The following SEMA6D variants were observed in gnomAD, a reference collection of about 807,000 sequenced individuals.
SEMA6D encodes semaphorin 6D.
Under a neutral mutation model 106.6 loss-of-function variants are expected in SEMA6D, and 35 were observed. The ratio of observed to expected loss-of-function variants is 0.33; its 90% CI spans 0.25 to 0.44. The LOEUF (loss-of-function observed/expected upper bound fraction) is 0.44, where lower values mean the gene tolerates loss of function less well. Ranked by LOEUF, SEMA6D falls within the 20% of genes least tolerant of loss-of-function variation. SEMA6D has a pLI of 1.00. For missense variants in SEMA6D, 1,185 were observed against 1,345.9 expected (o/e 0.88, Z 1.87); for synonymous variants, 499 against 487.7 (o/e 1.02, Z -0.31).
At chr15:47,237,680 A>G (rs1212893331) in intron 1 of SEMA6D, among the ~76,000 whole-genome samples, 1 of 152,028 alleles carries the variant, frequency 6.6e-6, no homozygotes, top group Non-Finnish European at 1.5e-5. Context: ...GGGCTGCTCT[A>G]GGGTTTGAGA....
chr15:47,641,373 T>C (rs1432904944), intron 4 of SEMA6D, among the ~76,000 whole-genome samples: 9 of 152,218 alleles, frequency 5.9e-5, no homozygotes, highest in African/African-American at 2.2e-4. Context: ...TTTGCTGTTC[T>C]TGTCTGCATG....
chr15:47,442,009 C>T (rs528039084), intron 2 of SEMA6D, among the ~76,000 whole-genome samples: 2 of 152,152 alleles, frequency 1.3e-5, no homozygotes, highest in South Asian at 4.2e-4. Context: ...ACCACACCTC[C>T]TTCATCATAT....
chr15:47,466,743 G>A (rs1174633209), intron 2 of SEMA6D, among the ~76,000 whole-genome samples: 6 of 147,962 alleles, frequency 4.1e-5, no homozygotes, highest in Admixed American at 2.0e-4. Flanking sequence ...TTTTTTTTTG[G>A]AAATGGAGTC....
chr15:47,716,717 G>T (rs1483557719), upstream of SEMA6D, among the ~76,000 whole-genome samples: 1 of 151,862 alleles, frequency 6.6e-6, no homozygotes, highest in Non-Finnish European at 1.5e-5. Flanking sequence ...GTCACTTCAA[G>T]GACATTTTCA....
chr15:47,410,415 CAT>C (rs1419892441), intron 1 of SEMA6D, among the ~76,000 whole-genome samples: 1 of 152,200 alleles, frequency 6.6e-6, no homozygotes, highest in Non-Finnish European at 1.5e-5. Context: ...GTGTTACTCA[CAT>C]GTTTTATTGA....
At chr15:47,526,807 G>A (rs1045104642) in intron 3 of SEMA6D, among the ~76,000 whole-genome samples, 5 of 151,994 alleles carry the variant, frequency 3.3e-5, no homozygotes, top group Non-Finnish European at 7.4e-5. Context: ...CGTGATCTCC[G>A]CTAACTGCAA....
chr15:47,764,188 C>T lies in SEMA6D; in HGVS notation c.980C>T (p.Ala327Val). Residue 327 changes from alanine (A) to valine (V), a missense_variant, in exon 11 of 19, where the codon GCT (alanine) becomes GTT (valine). Transcript: ENST00000536845. ...TTQLNSIPGSAVCAFSMDDIE... is the reference protein window; with the variant it reads ...TTQLNSIPGSVVCAFSMDDIE... ...TTCCTTTTCAGCATCCCTGGTTCTG[C>T]TGTCTGTGCATTTAGCATGGATGAC... The T allele has an allele frequency of 6.2e-7, 1 of 1,613,680 alleles. No individual in the cohort carries two copies. The highest frequency in any genetic ancestry group is 8.5e-7 in the Non-Finnish European group (1 of 1,179,748).
intron 1 of SEMA6D, among the ~76,000 whole-genome samples, chr15:47,206,518 C>T (rs138193059): frequency 6.6e-6 from 1 of 152,306 alleles, no homozygotes; most frequent in Non-Finnish European, 1.5e-5. Flanking sequence ...GAACTATCAG[C>T]TTCCTTCCAG....
chr15:47,263,037 C>T (rs776765075), intron 1 of SEMA6D, among the ~76,000 whole-genome samples: 5 of 151,818 alleles, frequency 3.3e-5, no homozygotes, highest in African/African-American at 4.8e-5. Flanking sequence ...ACATCATATA[C>T]AAAAATCAAC....
intron 4 of SEMA6D, among the ~76,000 whole-genome samples, chr15:47,692,025 C>G (rs974980691): frequency 2.0e-5 from 3 of 152,124 alleles, no homozygotes; most frequent in Admixed American, 6.6e-5. Flanking sequence ...AAAAGCATTT[C>G]TAGCAAGAAT....
At chr15:47,325,966 C>G (rs1219061984) in intron 1 of SEMA6D, among the ~76,000 whole-genome samples, 5 of 152,032 alleles carry the variant, frequency 3.3e-5, no homozygotes, top group Non-Finnish European at 7.4e-5. Context: ...TTATTAGAGC[C>G]TGCATAGTTA....
At chr15:47,677,012 A>C (rs1298570123) in intron 4 of SEMA6D, among the ~76,000 whole-genome samples, 2 of 152,098 alleles carry the variant, frequency 1.3e-5, no homozygotes, top group Non-Finnish European at 2.9e-5. Context: ...AGTACAACCT[A>C]GATCCCTTGG....
chr15:47,514,705 C>G (rs2044333604), intron 3 of SEMA6D, among the ~76,000 whole-genome samples: 1 of 152,152 alleles, frequency 6.6e-6, no homozygotes, highest in South Asian at 2.1e-4. Flanking sequence ...CAGTAGTCTC[C>G]TCACTGGTCT....
intron 4 of SEMA6D, chr15:47,603,521 A>G (rs943491574): frequency 6.6e-6 from 1 of 152,158 alleles, no homozygotes; most frequent in Non-Finnish European, 1.5e-5. Flanking sequence ...TTTCTCAACA[A>G]GTCGCCAAAG....
intron 3 of SEMA6D, among the ~76,000 whole-genome samples, chr15:47,511,361 T>C (rs1224831913): frequency 6.6e-6 from 1 of 152,188 alleles, no homozygotes; most frequent in Non-Finnish European, 1.5e-5. Context: ...TGGCAAGTGC[T>C]CACAAATCAT....
chr15:47,607,760 T>C (rs530599261), intron 4 of SEMA6D, among the ~76,000 whole-genome samples: 35 of 152,340 alleles, frequency 2.3e-4, no homozygotes, highest in Non-Finnish European at 4.1e-4. Context: ...TTGTACTCTG[T>C]GACATGTGAG....
At chr15:47,453,037 C>G (rs2042239026) in intron 2 of SEMA6D, among the ~76,000 whole-genome samples, 1 of 151,842 alleles carries the variant, frequency 6.6e-6, no homozygotes, top group African/African-American at 2.4e-5. Context: ...AAGTAAAGCT[C>G]ATACCACAGC....
rs1292402881 is a variant in SEMA6D, at chr15:47,771,664, A to T, written c.3101A>T (p.Asn1034Ile). ...TCCAGACAGAGCAGCTACACCAGTA[A>T]TGGCACTCTTCCTAGGACGGGACTA... ...SLSRQSSYTS[N>I]GTLPRTGLKR... The change falls in exon 19 of 19, where the codon AAT (asparagine) becomes ATT (isoleucine). Residue 1034 changes from asparagine to isoleucine, a missense_variant. Physicochemically the swap from Asn to Ile is moderately radical, Grantham distance 149 (BLOSUM62 -3). This residue lies in a region of SEMA6D where 750 missense variants were observed against 783.5 expected (regional missense o/e 0.96). Coordinates refer to ENST00000536845, the MANE Select transcript of SEMA6D (RefSeq NM_001358351.3). 3 of 1,614,094 alleles carry T rather than the reference A, an allele frequency of 1.9e-6. No individual in the cohort carries two copies. In the East Asian group the frequency reaches 6.7e-5, roughly 36 times the overall value.
intron 4 of SEMA6D, among the ~76,000 whole-genome samples, chr15:47,608,212 A>T (rs1411679949): frequency 6.6e-6 from 1 of 152,204 alleles, no homozygotes; most frequent in Non-Finnish European, 1.5e-5. Context: ...TAGATGATTT[A>T]AAAGACATAA....
Sources: allele counts gnomAD v4.1 joint callset (sites outside exome capture counted in the v4.1 genomes callset), GRCh38; gene constraint gnomAD v4.1.1; regional missense constraint gnomAD v4.1.1; transcripts MANE v1.5; gene names NCBI Gene and HGNC (gene_info 2026-07-23, HGNC 2026-07-21).